ENPP2: variants seen among roughly 807,000 people sequenced by gnomAD.
ENPP2 encodes the protein ectonucleotide pyrophosphatase/phosphodiesterase 2.
ENPP2 carries 51 observed loss-of-function variants against 120.2 expected under a neutral mutation model. That is an observed-to-expected ratio of 0.42 (90% CI 0.34 to 0.54). The LOEUF is 0.54. Ranked by LOEUF, ENPP2 falls within the 20% of genes least tolerant of loss-of-function variation. The pLI is 0.04. For synonymous variants in ENPP2, 365 were observed against 366.4 expected (o/e 1.00, Z 0.04); for missense variants, 920 against 1,066.5 (o/e 0.86, Z 1.91).
intron 22 of ENPP2, among the ~76,000 whole-genome samples, chr8:119,567,318 T>C (rs1232230836): frequency 6.6e-6 from 1 of 152,190 alleles, no homozygotes; most frequent in African/African-American, 2.4e-5. Flanking sequence ...AGATGAATAG[T>C]TAACAGAAAC....
At chr8:119,642,330 T>C (rs180895945), upstream of ENPP2, among the ~76,000 whole-genome samples, 216 of 152,334 alleles carry the variant, frequency 1.4e-3, no homozygotes, top group Middle Eastern at 0.014. Flanking sequence ...ATTTTTTGAA[T>C]TATTTGTTTA....
chr8:119,626,606 G>T lies in ENPP2; in HGVS notation c.251C>A (p.Thr84Asn), dbSNP rs769242153. The change falls in exon 3 of 25, where the codon ACC becomes AAC. Residue 84 changes from threonine (T) to asparagine (N), a missense_variant. By Grantham distance (65) the Thr-to-Asn change is moderately conservative. Transcript: ENST00000075322. Reference protein sequence around the residue: ...CRCDNLCKSYTSCCHDFDELC... With the variant: ...CRCDNLCKSYNSCCHDFDELC... The stretch of plus-strand genomic sequence containing the variant: ...CTCATCAAAGTCATGGCAGCAACTG[G>T]TATAGCTCTTACACAAGTTGTCACA... The T allele has an allele frequency of 2.5e-6, 4 of 1,613,892 alleles. No individual in the cohort carries two copies. Among genetic ancestry groups the T allele is most frequent in the Non-Finnish European group, 3.4e-6 (4 of 1,179,896 alleles).
chr8:119,570,910 T>C lies in ENPP2; in HGVS notation c.1781-69A>G, dbSNP rs867051487. On this transcript the variant is annotated intron_variant, in intron 19 of 24. Coordinates refer to ENST00000075322, the MANE Select transcript of ENPP2 (RefSeq NM_001040092.3). ...TTTACATCAAATGTTAAAGAAATGT[T>C]GGAAGAGTCAAGTTACCTAAAATGG... 5 of 1,045,496 alleles carry C rather than the reference T, an allele frequency of 4.8e-6. No individual in the cohort carries two copies. In the Middle Eastern group the frequency reaches 6.4e-4, roughly 134 times the overall value. 64.8% of individuals were successfully genotyped at this position (1,045,496 alleles called of 1,614,324 possible). A position where few individuals can be genotyped will look rare whatever the true frequency, so the allele number is the denominator to read the frequency against.
chr8:119,595,848 T>G (rs1442404762), intron 11 of ENPP2: 1 of 1,613,770 alleles, frequency 6.2e-7, no homozygotes, highest in Admixed American at 1.7e-5. Flanking sequence ...TAAACTTACT[T>G]TGTCCTGACG....
chr8:119,565,064 G>A, intron 22 of ENPP2, 109 bp from the exon 23 acceptor site: 1 of 856,020 alleles, frequency 1.2e-6, no homozygotes. Context: ...CAAGCCAAGA[G>A]ACAAGAGAGC....
chr8:119,584,023 G>T lies in ENPP2; in HGVS notation c.1394C>A (p.Pro465Gln), dbSNP rs1251396266. Residue 465 changes from proline (P) to glutamine (Q), a missense_variant, in exon 16 of 25, where the codon CCA (proline) becomes CAA (glutamine). Physicochemically the swap from Pro to Gln is moderately conservative, Grantham distance 76 (BLOSUM62 -1). Transcript: ENST00000075322. ...ARKPLDVYKK[P>Q]SGKCFFQGDH... ...TCCCTGGAAAAAGCATTTTCCTGAT[G>T]GTTTCTTATAAACATCCAAAGGTTT... 2 of 1,612,392 alleles carry T rather than the reference G, an allele frequency of 1.2e-6. No individual in the cohort carries two copies. Among genetic ancestry groups the T allele is most frequent in the Non-Finnish European group, 1.7e-6 (2 of 1,178,694 alleles).
intron 23 of ENPP2, 116 bp from the exon 24 acceptor site, chr8:119,563,129 G>T: frequency 2.4e-6 from 2 of 830,218 alleles, no homozygotes; most frequent in Non-Finnish European, 3.7e-6. Flanking sequence ...CCATTCAATT[G>T]AATCATTTTT....
intron 23 of ENPP2, among the ~76,000 whole-genome samples, chr8:119,563,875 T>C (rs907020763): frequency 6.6e-6 from 1 of 151,950 alleles, no homozygotes; most frequent in South Asian, 2.1e-4. Flanking sequence ...ATTCTGTAAT[T>C]ATCTCTAAAT....
rs186138442 is a variant in ENPP2 at position 119,610,236 on chromosome 8, C to T, written c.778-2259G>A. ...AAGCATACAGTGTAAACTATGGAGG[C>T]AATTTAAAGGTAAAATTTGTATTTC... On this transcript the variant is annotated intron_variant, in intron 8 of 24. Transcript: ENST00000075322. 2.0e-5 allele frequency among the ~76,000 whole-genome samples: 3 copies of T among 151,694 alleles called. No individual in the cohort carries two copies. In the East Asian group the frequency reaches 5.8e-4, roughly 29 times the overall value.
At chr8:119,657,258 C>T (rs1434072616) in intron 1 of ENPP2, among the ~76,000 whole-genome samples, 6 of 152,084 alleles carry the variant, frequency 3.9e-5, no homozygotes, top group Admixed American at 1.3e-4. Context: ...GAAACCAAGA[C>T]GCAGAAAGAT....
upstream of ENPP2, among the ~76,000 whole-genome samples, chr8:119,640,847 C>T (rs942894768): frequency 6.6e-6 from 1 of 152,164 alleles, no homozygotes; most frequent in Non-Finnish European, 1.5e-5. Context: ...CTCCCGGGTT[C>T]AAGTGATTCC....
intron 19 of ENPP2, chr8:119,573,097 G>C (rs530531394): frequency 2.0e-5 from 3 of 152,208 alleles, no homozygotes; most frequent in African/African-American, 7.2e-5. Context: ...GCCCAAGAGG[G>C]GCAGAGATAT....
intron 2 of ENPP2, among the ~76,000 whole-genome samples, chr8:119,637,222 TA>T (rs1368594990): frequency 2.0e-5 from 3 of 152,028 alleles, no homozygotes; most frequent in African/African-American, 7.2e-5. Flanking sequence ...TTGCTGCAAA[TA>T]AAAACAGCAT....
chr8:119,653,137 A>T (rs1045041071), intron 1 of ENPP2, among the ~76,000 whole-genome samples: 1 of 152,196 alleles, frequency 6.6e-6, no homozygotes, highest in East Asian at 1.9e-4. Context: ...ACCTCTGGAT[A>T]GCTCGTTTTA....
At chr8:119,584,103 TA>T (rs1812941863) in intron 15 of ENPP2, 54 bp from the exon 16 acceptor site, 9 of 1,245,602 alleles carry the variant, frequency 7.2e-6, no homozygotes, top group Non-Finnish European at 1.1e-5. Context: ...ATTACTTTGA[TA>T]AAAAGGTAAT....
In ENPP2 at chr8:119,626,678, T is replaced by G. The variant is rs772478263; in HGVS notation, c.179A>C (p.Lys60Thr). 6.2e-6 allele frequency: 10 copies of G among 1,614,082 alleles called. No homozygotes were observed. In the South Asian group the frequency reaches 1.1e-4, roughly 18 times the overall value. ...CTCTTGAAGTTCAAAGCACCTGCCCTTGCAAGATCCGGAGATGTTGGTCCA... is the reference window on the plus strand; with the variant it reads ...CTCTTGAAGTTCAAAGCACCTGCCCGTGCAAGATCCGGAGATGTTGGTCCA... ...SPWTNISGSCKGRCFELQEAG... is the reference protein window; with the variant it reads ...SPWTNISGSCTGRCFELQEAG... Residue 60 changes from lysine (K) to threonine (T), a missense_variant, in exon 3 of 25, where the codon AAG (lysine) becomes ACG (threonine). Transcript: ENST00000075322.
chr8:119,613,572 T>C (rs1015692842), intron 8 of ENPP2, among the ~76,000 whole-genome samples: 25 of 152,156 alleles, frequency 1.6e-4, no homozygotes, highest in African/African-American at 6.0e-4. Context: ...TATAAATGTA[T>C]AAAAAATTAT....
intron 1 of ENPP2, among the ~76,000 whole-genome samples, chr8:119,657,271 A>AAT (rs1377141386): frequency 2.6e-5 from 4 of 152,180 alleles, no homozygotes; most frequent in African/African-American, 9.7e-5. Flanking sequence ...AGAAAGATGA[A>AAT]ATAATTTGAT....
intron 22 of ENPP2, 123 bp from the exon 23 acceptor site, chr8:119,565,078 C>T (rs1307689279): frequency 6.7e-6 from 5 of 741,002 alleles, no homozygotes; most frequent in African/African-American, 1.8e-5. Context: ...AGAGAGCTGT[C>T]GTGATTCATG....
Sources: gnomAD v4.1 joint callset for allele counts (sites outside exome capture counted in the v4.1 genomes callset) on GRCh38, gnomAD v4.1.1 for gene constraint, MANE v1.5 for transcripts, NCBI Gene and HGNC (gene_info 2026-07-23, HGNC 2026-07-21) for gene names.